The following C8orf74 variants were observed in gnomAD, a reference collection of about 807,000 sequenced individuals.
The protein encoded by C8orf74 is uncharacterized protein C8orf74.
In C8orf74, 29 loss-of-function variants were observed where a neutral mutation model predicts 22.2. The ratio of observed to expected loss-of-function variants is 1.31; its 90% confidence interval spans 0.97 to 1.78. The LOEUF (loss-of-function observed/expected upper bound fraction) is 1.78, where lower values mean the gene tolerates loss of function less well. Ranked by LOEUF, C8orf74 falls within the 40% of genes most tolerant of loss-of-function variation. The pLI is 0.00. For missense variants in C8orf74, 515 were observed against 369.9 expected (o/e 1.39, Z -3.22); for synonymous variants, 255 against 163.1 (o/e 1.56, Z -4.30).
At chr8:10,680,918 G>T (rs1799135827) in intron 2 of C8orf74, among the ~76,000 whole-genome samples, 1 of 152,176 alleles carries the variant, frequency 6.6e-6, no homozygotes, top group Non-Finnish European at 1.5e-5. Context: ...CCAGGCAGGA[G>T]CGGGGGTCCT....
chr8:10,680,190 G>A (rs543922693), intron 2 of C8orf74, among the ~76,000 whole-genome samples: 6 of 152,218 alleles, frequency 3.9e-5, no homozygotes, highest in South Asian at 2.1e-4. Context: ...CACCGCCAAT[G>A]TGAGAGGCAG....
chr8:10,673,298 C>T (rs534401200), intron 1 of C8orf74, among the ~76,000 whole-genome samples: 2 of 152,254 alleles, frequency 1.3e-5, no homozygotes, highest in Admixed American at 1.3e-4. Flanking sequence ...ACTTGCTTCT[C>T]CTACATCTGC....
At chr8:10,689,564 C>T (rs535844483) in intron 2 of C8orf74, 1 of 152,246 alleles carries the variant, frequency 6.6e-6, no homozygotes, top group African/African-American at 2.4e-5. Context: ...TTGAAGAACA[C>T]GAGATTTAGG....
intron 2 of C8orf74, among the ~76,000 whole-genome samples, chr8:10,679,181 G>C (rs1463781866): frequency 6.6e-6 from 1 of 152,126 alleles, no homozygotes; most frequent in Admixed American, 6.5e-5. Context: ...CACTTCACAG[G>C]CTTGTTGAGT....
chr8:10,694,765 T>G (rs530803378), intron 2 of C8orf74, among the ~76,000 whole-genome samples: 3 of 152,304 alleles, frequency 2.0e-5, no homozygotes, highest in South Asian at 2.1e-4. Context: ...CACAAATGAA[T>G]GGAAGGATGG....
At chr8:10,697,143 A>G (rs148862776) in intron 2 of C8orf74, among the ~76,000 whole-genome samples, 77 of 152,334 alleles carry the variant, frequency 5.1e-4, no homozygotes, top group Middle Eastern at 3.4e-3. Context: ...GCATGGTAAT[A>G]AGAATTGCAG....
chr8:10,686,767 C>G (rs1432135207), intron 2 of C8orf74: 3 of 162,076 alleles, frequency 1.9e-5, no homozygotes, highest in Admixed American at 1.8e-4. Context: ...AGGTTCTTGC[C>G]ATGGAGGCAC....
intron 2 of C8orf74, among the ~76,000 whole-genome samples, chr8:10,685,124 G>A (rs774623085): frequency 5.9e-5 from 9 of 152,146 alleles, no homozygotes; most frequent in Non-Finnish European, 1.2e-4. Context: ...TTTGGACTAC[G>A]GTTGACCACA....
At chr8:10,690,304 C>A (rs59265873) in intron 2 of C8orf74, among the ~76,000 whole-genome samples, 1 of 152,106 alleles carries the variant, frequency 6.6e-6, no homozygotes, top group Non-Finnish European at 1.5e-5. Context: ...TGGCACAAGG[C>A]GGTGGGTGCT....
chr8:10,684,544 G>A (rs1180667695), intron 2 of C8orf74, among the ~76,000 whole-genome samples: 1 of 152,178 alleles, frequency 6.6e-6, no homozygotes, highest in Non-Finnish European at 1.5e-5. Context: ...TGTTTGAGTA[G>A]ATTTTCCCCT....
At chr8:10,673,296 C>G (rs1240334425) in intron 1 of C8orf74, among the ~76,000 whole-genome samples, 1 of 152,148 alleles carries the variant, frequency 6.6e-6, no homozygotes, top group Non-Finnish European at 1.5e-5. Context: ...GCACTTGCTT[C>G]TCCTACATCT....
At chr8:10,692,724 G>A (rs1799407816) in intron 2 of C8orf74, 1 of 151,432 alleles carries the variant, frequency 6.6e-6, no homozygotes, top group Non-Finnish European at 1.5e-5. Context: ...GGCTGGTCTT[G>A]AACTCCCAGG....
rs368531347 is a variant in C8orf74 at position 10,690,131 on chromosome 8, G to A, written c.242-7468G>A. Reference sequence around the variant, plus strand: ...GAATCTACAAAAAGACCCCAAAGCCGCTTGGAGCTGGATGGCCTGGAGTCT... The same window carrying A: ...GAATCTACAAAAAGACCCCAAAGCCACTTGGAGCTGGATGGCCTGGAGTCT... On this transcript the variant is annotated intron_variant, in intron 2 of 3. Transcript: ENST00000304519. Among the ~76,000 whole-genome samples, 15 of 152,178 alleles carry A rather than the reference G, an allele frequency of 9.9e-5. 1 individual carries two copies. Among genetic ancestry groups the A allele is most frequent in the African/African-American group, 3.6e-4 (15 of 41,430 alleles).
At chr8:10,693,829 C>T (rs1242457084) in intron 2 of C8orf74, among the ~76,000 whole-genome samples, 1 of 152,248 alleles carries the variant, frequency 6.6e-6, no homozygotes, top group African/African-American at 2.4e-5. Flanking sequence ...TCCTTCTGTG[C>T]ACTGCCCAGA....
intron 1 of C8orf74, among the ~76,000 whole-genome samples, 193 bp from the exon 2 acceptor site, chr8:10,674,453 G>C (rs1263208084): frequency 4.5e-4 from 2 of 4,480 alleles, no homozygotes; most frequent in Non-Finnish European, 1.2e-3. Flanking sequence ...AGCACACCCT[G>C]TAGCCCCCAT....
At chr8:10,698,094 A>T in intron 3 of C8orf74, 89 bp downstream of exon 3, 2 of 1,276,688 alleles carry the variant, frequency 1.6e-6, no homozygotes, top group Non-Finnish European at 2.1e-6. Flanking sequence ...GGAGCTCCTC[A>T]GTGGCACACA....
At chr8:10,676,448 T>C (rs966575345) in intron 2 of C8orf74, among the ~76,000 whole-genome samples, 1 of 152,182 alleles carries the variant, frequency 6.6e-6, no homozygotes, top group African/African-American at 2.4e-5. Flanking sequence ...AAATCTTGCA[T>C]TCTGCAATCG....
intron 2 of C8orf74, among the ~76,000 whole-genome samples, chr8:10,683,737 C>T (rs1161267612): frequency 6.6e-6 from 1 of 152,196 alleles, no homozygotes; most frequent in African/African-American, 2.4e-5. Context: ...TGGATCCAAC[C>T]CCCATCTGAC....
chr8:10,698,016 G>T lies in C8orf74; in HGVS notation c.648+11G>T, dbSNP rs1563165876. On this transcript the variant is annotated intron_variant, in intron 3 of 3. Transcript: ENST00000304519. ...GTCCTGGAGAGACAGGTGAGGCTCT[G>T]CCCCCCTGCCGTGGGTGGGCACCTG... The T allele has an allele frequency of 6.9e-7, 1 of 1,456,652 alleles. No individual in the cohort carries two copies. Among genetic ancestry groups the T allele is most frequent in the Non-Finnish European group, 9.0e-7 (1 of 1,108,124 alleles). 90.2% of individuals were successfully genotyped at this position (1,456,652 alleles called of 1,614,324 possible). A position where few individuals can be genotyped will look rare whatever the true frequency, so the allele number is the denominator to read the frequency against.
Sources: allele counts gnomAD v4.1 joint callset (sites outside exome capture counted in the v4.1 genomes callset), GRCh38; gene constraint gnomAD v4.1.1; transcripts MANE v1.5; gene names NCBI Gene and HGNC (gene_info 2026-07-23, HGNC 2026-07-21).